The following ROBO2 variants were observed in gnomAD, a reference collection of about 807,000 sequenced individuals.
ROBO2 encodes roundabout homolog 2.
ROBO2 carries 53 observed loss-of-function variants against 160.8 expected under a neutral mutation model. That is an observed-to-expected ratio of 0.33 (90% CI 0.26 to 0.41). The LOEUF is 0.41. ROBO2 is among the 10% of genes least tolerant of loss of function. ROBO2 has a pLI of 1.00. For synonymous variants in ROBO2, 664 were observed against 611.7 expected (o/e 1.09, Z -1.26); for missense variants, 1,577 against 1,722.4 (o/e 0.92, Z 1.49).
intron 2 of ROBO2, among the ~76,000 whole-genome samples, chr3:77,209,503 A>T (rs1175890667): frequency 6.6e-6 from 1 of 152,220 alleles, no homozygotes; most frequent in African/African-American, 2.4e-5. Context: ...TTATGAGATG[A>T]TGCAATGAAT....
intron 2 of ROBO2, among the ~76,000 whole-genome samples, chr3:76,872,430 C>T (rs536542571): frequency 4.5e-4 from 68 of 152,074 alleles, no homozygotes; most frequent in Non-Finnish European, 8.5e-4. Context: ...TATTTTTATC[C>T]ATTTAAAACC....
chr3:77,258,760 A>G (rs2058589901), intron 2 of ROBO2, among the ~76,000 whole-genome samples: 1 of 152,186 alleles, frequency 6.6e-6, no homozygotes, highest in South Asian at 2.1e-4. Context: ...ATGACCTTCT[A>G]GCTATGAATA....
At chr3:77,343,084 G>GAA (rs1553916573) in intron 2 of ROBO2, among the ~76,000 whole-genome samples, 62,614 of 146,112 alleles carry the variant, frequency 0.43, 14,018 homozygotes, top group East Asian at 0.7. Flanking sequence ...GAGAGAGAGA[G>GAA]AGAACTTTCT....
At chr3:77,355,266 T>C (rs1308419622) in intron 2 of ROBO2, among the ~76,000 whole-genome samples, 2 of 129,032 alleles carry the variant, frequency 1.6e-5, no homozygotes, top group African/African-American at 5.7e-5. Context: ...CTGCTTTCTC[T>C]TGTATAGTTT....
At chr3:77,364,558 T>C (rs2070546297) in intron 2 of ROBO2, among the ~76,000 whole-genome samples, 2 of 152,122 alleles carry the variant, frequency 1.3e-5, no homozygotes, top group African/African-American at 4.8e-5. Flanking sequence ...AGGAAGTAGA[T>C]ATTGAAAAGA....
At chr3:76,575,859 G>C (rs952511790) in intron 2 of ROBO2, among the ~76,000 whole-genome samples, 3 of 151,906 alleles carry the variant, frequency 2.0e-5, no homozygotes, top group Non-Finnish European at 4.4e-5. Context: ...GATTTGTGGA[G>C]AGAGAGAGAG....
At position 76,631,994 on chromosome 3, in the gene ROBO2, C is replaced by T. The variant is rs146193968; in HGVS notation, c.110-466020C>T. Among the ~76,000 whole-genome samples, 262 of 152,288 alleles carry T rather than the reference C, an allele frequency of 1.7e-3. 1 individual carries two copies. The highest frequency in any genetic ancestry group is 2.5e-3 in the Non-Finnish European group (167 of 68,022). On this transcript the variant is annotated intron_variant, in intron 2 of 26. Transcript: ENST00000487694. ...CATTATCTGGAAATAGTTTAGCAAA[C>T]TACTGAATAAAAGTCTGTTTCTTCA...
chr3:76,715,973 A>T (rs1375437298), intron 2 of ROBO2, among the ~76,000 whole-genome samples: 3 of 152,212 alleles, frequency 2.0e-5, no homozygotes, highest in African/African-American at 4.8e-5. Context: ...CTGCAAAAAA[A>T]TTATATGTTG....
At chr3:77,177,172 C>T (rs1035503483) in intron 2 of ROBO2, among the ~76,000 whole-genome samples, 2 of 151,984 alleles carry the variant, frequency 1.3e-5, no homozygotes, top group Non-Finnish European at 2.9e-5. Flanking sequence ...AAAATGCAGC[C>T]AAAATATTTT....
At chr3:77,216,567 C>T (rs1406729273) in intron 2 of ROBO2, among the ~76,000 whole-genome samples, 1 of 152,178 alleles carries the variant, frequency 6.6e-6, no homozygotes, top group African/African-American at 2.4e-5. Flanking sequence ...ATGCTCAGTG[C>T]ACTGCACTCA....
At chr3:76,122,983 C>A (rs916689212) in intron 2 of ROBO2, among the ~76,000 whole-genome samples, 2 of 152,002 alleles carry the variant, frequency 1.3e-5, no homozygotes, top group African/African-American at 2.4e-5. Context: ...TCCTGACCTC[C>A]TGATCTGCCC....
chr3:76,061,328 T>A (rs1384798148), intron 2 of ROBO2, among the ~76,000 whole-genome samples: 1 of 152,176 alleles, frequency 6.6e-6, no homozygotes, highest in Non-Finnish European at 1.5e-5. Context: ...ATGCATCACA[T>A]TTCAGCTGAG....
At chr3:76,281,657 A>G (rs1708239568) in intron 2 of ROBO2, among the ~76,000 whole-genome samples, 2 of 151,748 alleles carry the variant, frequency 1.3e-5, no homozygotes, top group Admixed American at 1.3e-4. Flanking sequence ...AAATTCTTAG[A>G]TACCGGACAA....
chr3:76,274,923 A>T (rs961737614), intron 2 of ROBO2, among the ~76,000 whole-genome samples: 2 of 152,142 alleles, frequency 1.3e-5, no homozygotes, highest in Admixed American at 6.6e-5. Context: ...TAGTCAGTTT[A>T]CAAGAATTCA....
chr3:76,649,703 G>T (rs2091163625), intron 2 of ROBO2, among the ~76,000 whole-genome samples: 1 of 152,016 alleles, frequency 6.6e-6, no homozygotes, highest in Non-Finnish European at 1.5e-5. Context: ...GACTAATATT[G>T]AATCAATGAA....
chr3:77,632,257 G>T, intron 23 of ROBO2: 1 of 448,914 alleles, frequency 2.2e-6, no homozygotes, highest in Non-Finnish European at 4.0e-6. Context: ...CACATGCTTT[G>T]CTTATGTGCT....
chr3:76,478,885 C>T (rs1362635982), intron 2 of ROBO2, among the ~76,000 whole-genome samples: 1 of 151,910 alleles, frequency 6.6e-6, no homozygotes, highest in Non-Finnish European at 1.5e-5. Context: ...CCCAAGTTGG[C>T]TTCCTGGCCT....
chr3:77,168,719 G>A (rs2079342598), intron 2 of ROBO2, among the ~76,000 whole-genome samples: 1 of 152,178 alleles, frequency 6.6e-6, no homozygotes, highest in Non-Finnish European at 1.5e-5. Flanking sequence ...AAAGTCTGCT[G>A]AGTCTGGGAT....
At chr3:76,283,726 C>T (rs1055190777) in intron 2 of ROBO2, among the ~76,000 whole-genome samples, 1 of 151,986 alleles carries the variant, frequency 6.6e-6, no homozygotes, top group Non-Finnish European at 1.5e-5. Context: ...CTGAGATGTA[C>T]TCTTGGCTTC....
Sources: gnomAD v4.1 joint callset for allele counts (sites outside exome capture counted in the v4.1 genomes callset) on GRCh38, gnomAD v4.1.1 for gene constraint, MANE v1.5 for transcripts, NCBI Gene and HGNC (gene_info 2026-07-23, HGNC 2026-07-21) for gene names.